LMO7: variants seen among roughly 807,000 people sequenced by gnomAD.
The protein encoded by LMO7 is LIM domain 7, also known as LIM domain only protein 7.
In LMO7, 120 loss-of-function variants were observed where a neutral mutation model predicts 206.5. The ratio of observed to expected loss-of-function variants is 0.58; its 90% CI spans 0.50 to 0.68. The LOEUF (loss-of-function observed/expected upper bound fraction) is 0.68. Among genes scored for constraint, LMO7 ranks in the 30% least tolerant of loss-of-function variants. The pLI, the probability that LMO7 is intolerant of heterozygous loss-of-function variation, is 0.00. For synonymous variants in LMO7, 706 were observed against 681.5 expected (o/e 1.04, Z -0.56); for missense variants, 1,959 against 1,957.9 (o/e 1.00, Z -0.01).
chr13:75,786,438 A>G (rs558955621), intron 4 of LMO7, among the ~76,000 whole-genome samples: 21 of 149,662 alleles, frequency 1.4e-4, no homozygotes, highest in Non-Finnish European at 2.7e-4. Flanking sequence ...GCAGTGGCGC[A>G]ATCTCGGCTC....
chr13:75,816,650 C>A (rs1447663604), intron 11 of LMO7: 1 of 152,474 alleles, frequency 6.6e-6, no homozygotes, highest in Non-Finnish European at 1.5e-5. Context: ...AGTGGTAGGG[C>A]GGATCTTATA....
At chr13:75,685,756 A>T (rs1342058673) in intron 1 of LMO7, among the ~76,000 whole-genome samples, 1 of 152,076 alleles carries the variant, frequency 6.6e-6, no homozygotes, top group Non-Finnish European at 1.5e-5. Context: ...GACATATGAG[A>T]TATATCCACG....
Position 75,691,446 on chromosome 13 carries a change from G to A in LMO7, c.70-21736G>A, listed in dbSNP as rs192749407. On this transcript the variant is annotated intron_variant, in intron 1 of 30. Transcript: ENST00000377534. ...ACAGTAAACAACTTGGCCAACTCAC[G>A]TCAGCCTCAGTCATTGCCTGGGATG... 9.2e-5 allele frequency among the ~76,000 whole-genome samples: 14 copies of A among 152,294 alleles called. No homozygotes were observed. In the East Asian group the frequency reaches 9.6e-4, roughly 10 times the overall value.
Position 75,833,036 on chromosome 13 carries a change from A to C in LMO7, c.2950-15A>C. 6.8e-7 allele frequency: 1 copy of C among 1,477,210 alleles called. No individual in the cohort carries two copies. The highest frequency in any genetic ancestry group is 9.5e-7 in the Non-Finnish European group (1 of 1,055,804). The allele number at this position is 1,477,210 out of a possible 1,614,324, so 91.5% of individuals were successfully genotyped here. ...CAGGGACACCGGATACCAGCGTTTC[A>C]TGTTTTGTTTTCAGGATCAGTTCAG... On this transcript the variant is annotated splice_polypyrimidine_tract_variant and intron_variant, in intron 15 of 30. Transcript: ENST00000377534.
rs961938266 is a variant in LMO7, at chr13:75,804,914, G to C, written c.914+373G>C. The C allele has an allele frequency of 8.9e-6, 9 of 1,010,298 alleles. No individual in the cohort carries two copies. The African/African-American group carries it at 1.4e-4, about 16-fold the overall frequency. The allele number at this position is 1,010,298 out of a possible 1,614,324, so 62.6% of individuals were successfully genotyped here. ...TTTCTCAGCAAATTAGCAGAACAGA[G>C]TGTGGTTTTGCAAATCCAGCTTCCT... On this transcript the variant is annotated intron_variant, in intron 8 of 30. Coordinates refer to ENST00000377534, the MANE Select transcript of LMO7 (RefSeq NM_001306080.2).
chr13:75,830,439 T>C (rs759292961), intron 15 of LMO7, among the ~76,000 whole-genome samples: 2 of 152,160 alleles, frequency 1.3e-5, no homozygotes, highest in Non-Finnish European at 2.9e-5. Context: ...AAAATCAGTA[T>C]TTTTATGAAA....
At chr13:75,836,501 A>G (rs1480611205) in intron 19 of LMO7, 44 bp downstream of exon 19, 2 of 990,364 alleles carry the variant, frequency 2.0e-6, no homozygotes. Context: ...ACAGGAAAAG[A>G]CATAGCACTC....
At chr13:75,738,594 G>GT (rs2046156101) in intron 3 of LMO7, among the ~76,000 whole-genome samples, 1 of 151,202 alleles carries the variant, frequency 6.6e-6, no homozygotes, top group East Asian at 1.9e-4. Flanking sequence ...ACAAAGCCAT[G>GT]TTTTTTAAAA....
chr13:75,819,546 T>C lies in LMO7; in HGVS notation c.2207+11T>C. 1 of 1,566,928 alleles carries C rather than the reference T, an allele frequency of 6.4e-7. No individual in the cohort carries two copies. The highest frequency in any genetic ancestry group is 1.2e-5 in the South Asian group (1 of 81,814). ...AATGCTGCAGGACAGGTAATAATGC[T>C]GAATGCACCTCGGTTGTAACAGGGT... On this transcript the variant is annotated intron_variant, in intron 13 of 30. Transcript: ENST00000377534.
chr13:75,649,320 G>C (rs1296368682), intron 1 of LMO7, among the ~76,000 whole-genome samples: 1 of 152,186 alleles, frequency 6.6e-6, no homozygotes, highest in Non-Finnish European at 1.5e-5. Context: ...TCTTCTGTTA[G>C]GAGGACAGGA....
Position 75,804,527 on chromosome 13 carries a change from T to C in LMO7, c.900T>C (p.Asp300=), listed in dbSNP as rs1490485750. 6.2e-7 allele frequency: 1 copy of C among 1,613,700 alleles called. No individual in the cohort carries two copies. Among genetic ancestry groups the C allele is most frequent in the Non-Finnish European group, 8.5e-7 (1 of 1,179,910 alleles). Residue 300 remains aspartate, a synonymous_variant, in exon 8 of 31, where the codon GAT becomes GAC. Coordinates refer to ENST00000377534, the MANE Select transcript of LMO7 (RefSeq NM_001306080.2). ...SWASPVYTEA[D]GTFSSNQRRI... ...CAAGCCCGGTTTATACAGAAGCAGA[T>C]GGAACATTTTCAAGGTACTGAGATG...
chr13:75,757,021 G>A (rs2047730185), intron 3 of LMO7, among the ~76,000 whole-genome samples: 1 of 152,140 alleles, frequency 6.6e-6, no homozygotes, highest in Admixed American at 6.5e-5. Flanking sequence ...ACATGGAATA[G>A]GGCTGATCTG....
intron 1 of LMO7, among the ~76,000 whole-genome samples, chr13:75,684,850 C>T (rs2040847559): frequency 6.8e-6 from 1 of 146,396 alleles, no homozygotes; most frequent in African/African-American, 2.6e-5. Flanking sequence ...TACACACACA[C>T]ACAGTTTGCT....
intron 4 of LMO7, among the ~76,000 whole-genome samples, chr13:75,791,574 C>A (rs1182550930): frequency 1.3e-5 from 2 of 152,112 alleles, no homozygotes; most frequent in Non-Finnish European, 2.9e-5. Flanking sequence ...AAGTGGTAGA[C>A]CCTGTCTTAA....
At chr13:75,672,427 G>C (rs559208527) in intron 1 of LMO7, among the ~76,000 whole-genome samples, 1 of 152,014 alleles carries the variant, frequency 6.6e-6, no homozygotes, top group African/African-American at 2.4e-5. Flanking sequence ...TTTTAGTAGA[G>C]ACGGGGTTTC....
chr13:75,688,215 A>G (rs534286072), intron 1 of LMO7, among the ~76,000 whole-genome samples: 1 of 152,258 alleles, frequency 6.6e-6, no homozygotes, highest in African/African-American at 2.4e-5. Context: ...GTACCTTTAA[A>G]CCAAGTCAAG....
At chr13:75,718,813 T>G (rs1264600111) in intron 2 of LMO7, among the ~76,000 whole-genome samples, 1 of 152,206 alleles carries the variant, frequency 6.6e-6, no homozygotes, top group African/African-American at 2.4e-5. Context: ...CCCTTACCTC[T>G]AATCCCTGGA....
At chr13:75,853,053 C>T (rs748464496) in intron 27 of LMO7, 39 bp from the exon 28 acceptor site, 3 of 1,471,082 alleles carry the variant, frequency 2.0e-6, no homozygotes, top group South Asian at 2.6e-5. Flanking sequence ...TCTAGTTGAA[C>T]ATGTCACATT....
At chr13:75,819,569 G>A (rs2057375979) in intron 13 of LMO7, 34 bp downstream of exon 13, 1 of 1,527,596 alleles carries the variant, frequency 6.5e-7, no homozygotes, top group South Asian at 1.3e-5. Context: ...GTTGTAACAG[G>A]GTTGGAGATG....
Sources: allele counts gnomAD v4.1 joint callset (sites outside exome capture counted in the v4.1 genomes callset), GRCh38; gene constraint gnomAD v4.1.1; transcripts MANE v1.5; gene names NCBI Gene and HGNC (gene_info 2026-07-23, HGNC 2026-07-21).